The following MDGA1 variants were observed in gnomAD, a reference collection of about 807,000 sequenced individuals.
The protein encoded by MDGA1 is MAM domain containing glycosylphosphatidylinositol anchor 1, also known as MAM domain-containing glycosylphosphatidylinositol anchor protein 1.
Under a neutral mutation model 101.5 loss-of-function variants are expected in MDGA1, and 54 were observed. That is an observed-to-expected ratio of 0.53 (90% CI 0.43 to 0.67). MDGA1 has a LOEUF of 0.67. Among genes scored for constraint, MDGA1 ranks in the 30% least tolerant of loss-of-function variants. MDGA1 has a pLI of 0.00. For synonymous variants in MDGA1, 533 were observed against 558.3 expected (o/e 0.95, Z 0.64); for missense variants, 1,083 against 1,323.8 (o/e 0.82, Z 2.82).
intron 1 of MDGA1, among the ~76,000 whole-genome samples, chr6:37,673,308 C>A (rs1761909445): frequency 6.6e-6 from 1 of 152,246 alleles, no homozygotes; most frequent in Non-Finnish European, 1.5e-5. Flanking sequence ...CTCGCCGTGA[C>A]ACCTCTCGCC....
chr6:37,643,997 C>T, intron 13 of MDGA1, 54 bp from the exon 14 acceptor site: 7 of 1,600,184 alleles, frequency 4.4e-6, no homozygotes, highest in Non-Finnish European at 6.0e-6. Context: ...AGGCCTCTTC[C>T]TACCTGATTC....
At chr6:37,650,051 C>A in intron 8 of MDGA1, 58 bp downstream of exon 8, 2 of 1,604,462 alleles carry the variant, frequency 1.2e-6, no homozygotes, top group Non-Finnish European at 1.7e-6. Context: ...AGGGGACAGG[C>A]CGGCTGGGAG....
intron 1 of MDGA1, among the ~76,000 whole-genome samples, chr6:37,695,872 C>T (rs927477336): frequency 2.2e-4 from 34 of 152,342 alleles, no homozygotes; most frequent in Admixed American, 7.2e-4. Context: ...TAAGGCACTG[C>T]GGGAGGCTGA....
intron 1 of MDGA1, among the ~76,000 whole-genome samples, chr6:37,664,621 A>ACACACACACACACACACC: frequency 6.7e-6 from 1 of 150,230 alleles, no homozygotes. Context: ...ACACACACAC[A>ACACACACACACACACACC]CACACACACA....
At chr6:37,677,833 G>T (rs73734241) in intron 1 of MDGA1, among the ~76,000 whole-genome samples, 1,860 of 152,260 alleles carry the variant, frequency 0.012, 38 homozygotes, top group African/African-American at 0.042. Flanking sequence ...CCCACAGCCT[G>T]GCAGACTCTG....
intron 2 of MDGA1, among the ~76,000 whole-genome samples, chr6:37,661,881 G>A (rs887023575): frequency 6.6e-6 from 1 of 152,096 alleles, no homozygotes. Context: ...GGGGCTGGGT[G>A]CAATGGCTCA....
intron 12 of MDGA1, 90 bp from the exon 13 acceptor site, chr6:37,644,739 C>G (rs1208113541): frequency 4.6e-6 from 6 of 1,310,540 alleles, no homozygotes; most frequent in Non-Finnish European, 5.0e-6. Flanking sequence ...GAGGCAGCTC[C>G]CATGCATCCA....
intron 1 of MDGA1, among the ~76,000 whole-genome samples, chr6:37,677,387 A>G (rs1187844566): frequency 6.6e-6 from 1 of 152,220 alleles, no homozygotes; most frequent in Non-Finnish European, 1.5e-5. Context: ...AATTCACATA[A>G]GGATATTCAT....
chr6:37,638,568 T>G lies in MDGA1; in HGVS notation c.2636A>C (p.His879Pro), dbSNP rs778770442. 1 of 1,613,852 alleles carries G rather than the reference T, an allele frequency of 6.2e-7. No homozygotes were observed. The highest frequency in any genetic ancestry group is 8.5e-7 in the Non-Finnish European group (1 of 1,179,884). Residue 879 changes from histidine (H) to proline (P), a missense_variant, in exon 15 of 17, where the codon CAT becomes CCT. Physicochemically the swap from His to Pro is moderately conservative, Grantham distance 77 (BLOSUM62 -2). Transcript: ENST00000434837. This position sits in a 1 kb window ranked among gnomAD's most constrained non-coding sequence, Gnocchi z 4.8. ...GNKGNVWQQAHVPISPSGPFQ... is the reference protein window; with the variant it reads ...GNKGNVWQQAPVPISPSGPFQ... Reference sequence around the variant, plus strand: ...GGGCCCACTGGGGCTGATGGGCACATGGGCCTGCTGCCACACATTGCCCTT... The same window carrying G: ...GGGCCCACTGGGGCTGATGGGCACAGGGGCCTGCTGCCACACATTGCCCTT...
rs377397709 is a variant in MDGA1, at chr6:37,645,934, T to C, written c.2247A>G (p.Ser749=). Residue 749 remains serine (S), a splice_region_variant and synonymous_variant, in exon 12 of 17, where the codon TCA becomes TCG. Coordinates refer to ENST00000434837, the MANE Select transcript of MDGA1 (RefSeq NM_153487.4). ...TCATGGGTGACTGGGGAGTCTCACC[T>C]GAAAGGTTCGGAGAGTTGATGGCTG... ...YTEPINSPNL[S]DNTCHFEDEK... 2 of 1,613,850 alleles carry C rather than the reference T, an allele frequency of 1.2e-6. No homozygotes were observed. The highest frequency in any genetic ancestry group is 2.7e-5 in the African/African-American group (2 of 74,904).
chr6:37,668,770 C>A (rs1241147564), intron 1 of MDGA1, among the ~76,000 whole-genome samples: 1 of 152,180 alleles, frequency 6.6e-6, no homozygotes, highest in Non-Finnish European at 1.5e-5. Context: ...GGCCTAACAC[C>A]GATTGCCCTT....
rs1554132573 is a variant in MDGA1 at position 37,643,801 on chromosome 6, CA to C, written c.2536+7del. On this transcript the variant is annotated splice_region_variant and intron_variant, in intron 14 of 16. Coordinates refer to ENST00000434837, the MANE Select transcript of MDGA1 (RefSeq NM_153487.4). ...ACTTGGTGGAGACTACCTGGCCCCCCAACTCACCGATGTGTTTCCCGTACAT... is the reference window on the plus strand; with the variant it reads ...ACTTGGTGGAGACTACCTGGCCCCCCACTCACCGATGTGTTTCCCGTACAT... 5.6e-6 allele frequency: 9 copies of C among 1,613,840 alleles called. No homozygotes were observed. Among genetic ancestry groups the C allele is most frequent in the Non-Finnish European group, 7.6e-6 (9 of 1,179,784 alleles).
intron 5 of MDGA1, 45 bp downstream of exon 5, chr6:37,654,755 G>T: frequency 6.2e-7 from 1 of 1,610,700 alleles, no homozygotes; most frequent in Non-Finnish European, 8.5e-7. Flanking sequence ...CTGGTTGGGA[G>T]TTAGCTCAGG....
At position 37,693,451 on chromosome 6, in the gene MDGA1, A is replaced by G. The variant is rs897080948; in HGVS notation, c.67+3294T>C. Among the ~76,000 whole-genome samples the G allele has an allele frequency of 3.9e-5, 6 of 152,252 alleles. No individual in the cohort carries two copies. In the South Asian group the frequency reaches 6.2e-4, roughly 16 times the overall value. ...AGTTTCTGATGACACCTTTGGTGAA[A>G]TATTTTGACTTCCACCAGTAAGTTG... On this transcript the variant is annotated intron_variant, in intron 1 of 16. Transcript: ENST00000434837.
In MDGA1 at chr6:37,696,879, G is replaced by A; in HGVS notation, c.-68C>T. 7.2e-7 allele frequency: 1 copy of A among 1,388,242 alleles called. No homozygotes were observed. The highest frequency in any genetic ancestry group is 1.0e-6 in the Non-Finnish European group (1 of 1,000,470). The allele number at this position is 1,388,242 out of a possible 1,614,324, so 86.0% of individuals were successfully genotyped here. Reference sequence around the variant, plus strand: ...AGAGGCGGCGGGGGGCGCATTCGCCGGGGCCCCGCGACGCCCCTATGTCCC... The same window carrying A: ...AGAGGCGGCGGGGGGCGCATTCGCCAGGGCCCCGCGACGCCCCTATGTCCC... On this transcript the variant is annotated 5_prime_UTR_variant, in exon 1 of 17. Coordinates refer to ENST00000434837, the MANE Select transcript of MDGA1 (RefSeq NM_153487.4). The surrounding 1 kb of genome is among the most constrained non-coding windows in gnomAD (Gnocchi z 5.6).
chr6:37,693,142 C>T (rs1352339134), intron 1 of MDGA1, among the ~76,000 whole-genome samples: 1 of 152,196 alleles, frequency 6.6e-6, no homozygotes, highest in African/African-American at 2.4e-5. Context: ...AACAGAAGCA[C>T]GGAGCTTCTC....
At position 37,696,868 on chromosome 6, in the gene MDGA1, G is replaced by A. The variant is rs1166121292; in HGVS notation, c.-57C>T. On this transcript the variant is annotated 5_prime_UTR_variant, in exon 1 of 17. Coordinates refer to ENST00000434837, the MANE Select transcript of MDGA1 (RefSeq NM_153487.4). This position sits in a 1 kb window ranked among gnomAD's most constrained non-coding sequence, Gnocchi z 5.6. ...GGCGCAGCCCGAGAGGCGGCGGGGG[G>A]CGCATTCGCCGGGGCCCCGCGACGC... The A allele has an allele frequency of 2.0e-6, 3 of 1,483,594 alleles. No homozygotes were observed. Among genetic ancestry groups the A allele is most frequent in the Admixed American group, 2.0e-5 (1 of 50,888 alleles). 91.9% of individuals were successfully genotyped at this position (1,483,594 alleles called of 1,614,324 possible).
intron 1 of MDGA1, among the ~76,000 whole-genome samples, chr6:37,688,205 A>G (rs966327135): frequency 6.6e-6 from 1 of 152,240 alleles, no homozygotes. Context: ...TGTCTACACC[A>G]GCTGTGCCCA....
At chr6:37,673,296 C>T (rs924139722) in intron 1 of MDGA1, among the ~76,000 whole-genome samples, 9 of 152,234 alleles carry the variant, frequency 5.9e-5, no homozygotes, top group Admixed American at 2.0e-4. Flanking sequence ...AACCGTCCCT[C>T]CCTCGCCGTG....
Sources: allele counts gnomAD v4.1 joint callset (sites outside exome capture counted in the v4.1 genomes callset), GRCh38; gene constraint gnomAD v4.1.1; non-coding constraint Gnocchi (gnomAD v3.1); transcripts MANE v1.5; gene names NCBI Gene and HGNC (gene_info 2026-07-23, HGNC 2026-07-21).